The following LIPK variants were observed in gnomAD, a reference collection of about 807,000 sequenced individuals.
LIPK encodes lipase family member K.
LIPK carries 32 observed loss-of-function variants against 48.6 expected under a neutral mutation model. The ratio of observed to expected loss-of-function variants is 0.66; its 90% CI spans 0.50 to 0.88. The LOEUF (loss-of-function observed/expected upper bound fraction) is 0.88. Among genes scored for constraint, LIPK ranks in the 40% least tolerant of loss-of-function variants. The pLI, the probability that LIPK is intolerant of heterozygous loss-of-function variation, is 0.00. For synonymous variants in LIPK, 164 were observed against 157.4 expected, an observed-to-expected ratio of 1.04 and a Z score of -0.32; for missense variants, 507 against 478.5, an observed-to-expected ratio of 1.06 and a Z score of -0.56.
chr10:88,742,245 C>T (rs185767046), intron 8 of LIPK, among the ~76,000 whole-genome samples: 31 of 152,294 alleles, frequency 2.0e-4, no homozygotes, highest in Non-Finnish European at 4.3e-4. Context: ...GACACAGAGC[C>T]AAACCAAATC....
At chr10:88,723,105 G>A (rs147480822) in intron 1 of LIPK, among the ~76,000 whole-genome samples, 25 of 151,808 alleles carry the variant, frequency 1.6e-4, no homozygotes, top group Non-Finnish European at 2.8e-4. Context: ...GGCTGGTCTC[G>A]TACTCCTGGA....
At position 88,724,571 on chromosome 10, in the gene LIPK, T is replaced by C; in HGVS notation, c.28T>C (p.Trp10Arg). 1 of 1,609,478 alleles carries C rather than the reference T, an allele frequency of 6.2e-7. No individual in the cohort carries two copies. The highest frequency in any genetic ancestry group is 1.1e-5 in the South Asian group (1 of 89,616). Residue 10 changes from tryptophan (W) to arginine (R), a missense_variant, in exon 2 of 10, where the codon TGG becomes CGG. Transcript: ENST00000404190. MWQLLAAACWMLLLGSMYGY... is the reference protein window; with the variant it reads MWQLLAAACRMLLLGSMYGY... ...GTGGCAGCTTTTAGCAGCAGCATGC[T>C]GGATGCTTCTTCTTGGATCTATGTA...
intron 1 of LIPK, among the ~76,000 whole-genome samples, chr10:88,717,577 A>C (rs1343289775): frequency 2.0e-5 from 3 of 151,986 alleles, no homozygotes; most frequent in Admixed American, 6.6e-5. Context: ...TCTTTCATTA[A>C]CTCCCAGTAA....
chr10:88,732,085 T>C, intron 4 of LIPK, 93 bp from the exon 5 acceptor site: 2 of 790,202 alleles, frequency 2.5e-6, no homozygotes, highest in Admixed American at 2.5e-5. Flanking sequence ...TTTAACAAAA[T>C]CAAAGTATTT....
At chr10:88,712,464 G>GT (rs1842043439) in intron 1 of LIPK, among the ~76,000 whole-genome samples, 1 of 152,134 alleles carries the variant, frequency 6.6e-6, no homozygotes. Flanking sequence ...CCATAATGTG[G>GT]ACCTAACATT....
intron 6 of LIPK, among the ~76,000 whole-genome samples, chr10:88,737,273 T>G (rs1461453766): frequency 2.0e-5 from 3 of 152,218 alleles, no homozygotes; most frequent in African/African-American, 7.2e-5. Flanking sequence ...AGAAAATTTT[T>G]CCATTTTATA....
Position 88,737,674 on chromosome 10 carries a change from T to C in LIPK, c.709T>C (p.Phe237Leu). 4.3e-6 allele frequency: 7 copies of C among 1,613,942 alleles called. No homozygotes were observed. Among genetic ancestry groups the C allele is most frequent in the Non-Finnish European group, 5.1e-6 (6 of 1,179,794 alleles). Residue 237 changes from phenylalanine to leucine, a missense_variant, in exon 7 of 10, where the codon TTT becomes CTT. By Grantham distance (22) the Phe-to-Leu change is conservative (BLOSUM62 0). Transcript: ENST00000404190. ...GDKMFHPHTL[F>L]DQFIATKVCN... ...CAAAATGTTCCACCCTCATACATTG[T>C]TTGACCAATTCATTGCCACCAAAGT...
intron 6 of LIPK, 106 bp from the exon 7 acceptor site, chr10:88,737,529 G>T: frequency 8.8e-7 from 1 of 1,135,776 alleles, no homozygotes; most frequent in Non-Finnish European, 1.3e-6. Context: ...GACCAACACT[G>T]AGCAGATGTC....
intron 1 of LIPK, among the ~76,000 whole-genome samples, chr10:88,715,780 CTT>C (rs1842105823): frequency 6.6e-6 from 1 of 150,978 alleles, no homozygotes; most frequent in African/African-American, 2.4e-5. Flanking sequence ...TTCTCTCTCT[CTT>C]TCTTTCTCCT....
intron 3 of LIPK, among the ~76,000 whole-genome samples, chr10:88,730,346 G>A (rs1295319654): frequency 1.3e-5 from 2 of 152,128 alleles, no homozygotes; most frequent in Non-Finnish European, 2.9e-5. Context: ...CTGGAGTGCA[G>A]TGTGGCGATC....
intron 1 of LIPK, among the ~76,000 whole-genome samples, chr10:88,719,330 T>TA (rs1340669994): frequency 5.3e-5 from 8 of 152,200 alleles, no homozygotes; most frequent in Non-Finnish European, 1.2e-4. Flanking sequence ...CAACTAATAA[T>TA]AAAAACAGTA....
chr10:88,729,256 G>GGGGA (rs1554955637), intron 3 of LIPK, among the ~76,000 whole-genome samples: 2 of 112,082 alleles, frequency 1.8e-5, no homozygotes, highest in Admixed American at 1.0e-4. Flanking sequence ...ATCTGTTGGG[G>GGGGA]GGGGGGGGCG....
intron 1 of LIPK, among the ~76,000 whole-genome samples, chr10:88,708,596 G>A (rs1389188886): frequency 6.6e-6 from 1 of 151,826 alleles, no homozygotes. Context: ...CATTGCTAAG[G>A]TGCACTTTAT....
intron 9 of LIPK, among the ~76,000 whole-genome samples, chr10:88,744,192 T>G (rs939330065): frequency 3.3e-5 from 5 of 152,238 alleles, no homozygotes; most frequent in Non-Finnish European, 5.9e-5. Flanking sequence ...CAGCACAGCC[T>G]CACATGCCCA....
At chr10:88,745,491 G>T (rs1423145159) in intron 9 of LIPK, among the ~76,000 whole-genome samples, 1 of 152,110 alleles carries the variant, frequency 6.6e-6, no homozygotes, top group Non-Finnish European at 1.5e-5. Context: ...CATCCTTAAA[G>T]AAAAGAAATT....
At chr10:88,729,252 T>TGCGGG (rs1388279339) in intron 3 of LIPK, among the ~76,000 whole-genome samples, 2 of 40,176 alleles carry the variant, frequency 5.0e-5, no homozygotes, top group Admixed American at 6.2e-4. Flanking sequence ...GGCTATCTGT[T>TGCGGG]GGGGGGGGGG....
chr10:88,709,607 A>G (rs979868783), intron 1 of LIPK, among the ~76,000 whole-genome samples: 4 of 150,922 alleles, frequency 2.7e-5, no homozygotes, highest in Non-Finnish European at 4.4e-5. Context: ...TGATCTATCT[A>G]CTAACCACTC....
Position 88,712,755 on chromosome 10 carries a change from T to C in LIPK, c.-12+6435T>C, listed in dbSNP as rs571643107. Among the ~76,000 whole-genome samples the C allele has an allele frequency of 3.3e-5, 5 of 152,270 alleles. No homozygotes were observed. In the East Asian group the frequency reaches 9.6e-4, roughly 29 times the overall value. ...TCTGCTTATTTTCTTCAGAGAACAG[T>C]CCTATTTAAAATGAAAATGCTAGTG... On this transcript the variant is annotated intron_variant, in intron 1 of 9. Coordinates refer to ENST00000404190, the MANE Select transcript of LIPK (RefSeq NM_001080518.2).
intron 1 of LIPK, among the ~76,000 whole-genome samples, chr10:88,707,932 T>C (rs1370013339): frequency 6.6e-6 from 1 of 152,152 alleles, no homozygotes; most frequent in Non-Finnish European, 1.5e-5. Flanking sequence ...TAGAGCTTTA[T>C]GAAGGATGCT....
Sources: allele counts gnomAD v4.1 joint callset (sites outside exome capture counted in the v4.1 genomes callset), GRCh38; gene constraint gnomAD v4.1.1; transcripts MANE v1.5; gene names NCBI Gene and HGNC (gene_info 2026-07-23, HGNC 2026-07-21).